The following EYS variants were observed in gnomAD, a reference collection of about 807,000 sequenced individuals.
EYS encodes the protein protein eyes shut homolog.
EYS carries 250 observed loss-of-function variants against 282.1 expected under a neutral mutation model. The observed-to-expected ratio is 0.89, with a 90% CI of 0.80 to 0.98. The LOEUF is 0.98. Among genes scored for constraint, EYS ranks in the 50% least tolerant of loss-of-function variants. EYS has a pLI of 0.00. For synonymous variants in EYS, 1,355 were observed against 1,282.9 expected, an observed-to-expected ratio of 1.06 and a Z score of -1.20; for missense variants, 4,016 against 3,709.0, an observed-to-expected ratio of 1.08 and a Z score of -2.15.
chr6:65,443,171 T>G (rs192363267), intron 5 of EYS, among the ~76,000 whole-genome samples: 1 of 151,652 alleles, frequency 6.6e-6, no homozygotes. Context: ...TATGAGCACA[T>G]ATGTGCACAT....
chr6:64,575,668 A>G (rs1765858651), intron 26 of EYS, among the ~76,000 whole-genome samples: 1 of 152,132 alleles, frequency 6.6e-6, no homozygotes, highest in African/African-American at 2.4e-5. Context: ...AAATGTCAGA[A>G]TATGGTAAAT....
chr6:64,886,761 T>C lies in EYS; in HGVS notation c.2928A>G (p.Leu976=), dbSNP rs775617231. Residue 976 remains leucine, a synonymous_variant, in exon 19 of 43, where the codon CTA becomes CTG. Transcript: ENST00000503581. ...DVNKCKISPC[L]DEENCVYRTD... is the part of the protein sequence containing the mutation. ...TCCTGTAGACACAATTTTCTTCATC[T>C]AGACAAGGTGAGATTTTACATTTAT... 6.5e-7 allele frequency: 1 copy of C among 1,548,036 alleles called. No homozygotes were observed.
intron 12 of EYS, among the ~76,000 whole-genome samples, chr6:65,177,519 G>A (rs991703270): frequency 8.6e-5 from 13 of 151,670 alleles, no homozygotes; most frequent in African/African-American, 2.2e-4. Context: ...TTAGCTATAC[G>A]ATTATGCTAT....
At chr6:63,954,695 A>T (rs1179240425) in intron 35 of EYS, among the ~76,000 whole-genome samples, 1 of 152,070 alleles carries the variant, frequency 6.6e-6, no homozygotes, top group East Asian at 1.9e-4. Context: ...TGTTCTTCTC[A>T]TCAGTCACTC....
chr6:64,990,084 A>T (rs918705527), intron 14 of EYS, among the ~76,000 whole-genome samples: 2 of 151,544 alleles, frequency 1.3e-5, no homozygotes, highest in African/African-American at 4.8e-5. Flanking sequence ...TTTACTTTTA[A>T]TAAACTACCT....
At chr6:64,752,694 C>T (rs1772799483) in intron 22 of EYS, among the ~76,000 whole-genome samples, 1 of 151,876 alleles carries the variant, frequency 6.6e-6, no homozygotes, top group South Asian at 2.1e-4. Flanking sequence ...TTCACCAAGA[C>T]ATATAGTTAC....
At chr6:64,872,638 C>T (rs1766629456) in intron 19 of EYS, among the ~76,000 whole-genome samples, 2 of 152,024 alleles carry the variant, frequency 1.3e-5, no homozygotes, top group South Asian at 4.1e-4. Context: ...CAATATCTCA[C>T]CTTTCCTTAA....
chr6:65,009,687 G>T (rs1024534516), intron 13 of EYS, among the ~76,000 whole-genome samples: 1 of 152,106 alleles, frequency 6.6e-6, no homozygotes, highest in Non-Finnish European at 1.5e-5. Flanking sequence ...TTTACTTTTA[G>T]CTGCCCTTTC....
At chr6:65,685,235 G>T (rs1405421329) in intron 1 of EYS, among the ~76,000 whole-genome samples, 1 of 151,966 alleles carries the variant, frequency 6.6e-6, no homozygotes, top group Non-Finnish European at 1.5e-5. Flanking sequence ...ACCTCAATTT[G>T]AATGATGGAC....
chr6:65,173,033 A>C (rs1053096008), intron 12 of EYS, among the ~76,000 whole-genome samples: 2 of 151,206 alleles, frequency 1.3e-5, no homozygotes, highest in East Asian at 3.9e-4. Flanking sequence ...TTTTAATTGA[A>C]ATTCTCTACT....
intron 33 of EYS, among the ~76,000 whole-genome samples, chr6:64,035,037 G>A (rs1770044350): frequency 6.6e-6 from 1 of 152,168 alleles, no homozygotes. Context: ...CAGCTGAAGG[G>A]TGGGGTGGAG....
intron 27 of EYS, 85 bp downstream of exon 27, chr6:64,439,077 A>G: frequency 1.4e-6 from 1 of 732,030 alleles, no homozygotes; most frequent in Non-Finnish European, 2.1e-6. Flanking sequence ...GTTAAGTTTA[A>G]ATTTTATTTT....
At chr6:64,101,611 T>G (rs1009470882) in intron 31 of EYS, among the ~76,000 whole-genome samples, 17 of 152,034 alleles carry the variant, frequency 1.1e-4, no homozygotes, top group Admixed American at 1.0e-3. Flanking sequence ...TCTACAAATA[T>G]GAAAAATGTA....
At chr6:65,503,215 A>C (rs1346259200) in intron 2 of EYS, among the ~76,000 whole-genome samples, 2 of 151,664 alleles carry the variant, frequency 1.3e-5, no homozygotes, top group African/African-American at 4.8e-5. Context: ...ATTTCTAATG[A>C]CAAATGATGT....
intron 26 of EYS, among the ~76,000 whole-genome samples, chr6:64,504,926 G>C (rs1414516842): frequency 6.6e-6 from 1 of 152,142 alleles, no homozygotes; most frequent in South Asian, 2.1e-4. Context: ...GGTCCATAAT[G>C]AACTTAAATT....
chr6:63,831,342 C>G (rs1468852843), intron 36 of EYS, among the ~76,000 whole-genome samples: 2 of 151,972 alleles, frequency 1.3e-5, no homozygotes, highest in African/African-American at 4.8e-5. Flanking sequence ...CAGAGACACA[C>G]ATAAGCTCAA....
At chr6:64,913,436 CTCTATTGTTTCCA>C (rs1256388880) in intron 15 of EYS, among the ~76,000 whole-genome samples, 2 of 152,000 alleles carry the variant, frequency 1.3e-5, no homozygotes, top group African/African-American at 2.4e-5. Flanking sequence ...AGTTCTCAGC[CTCTATTGTTTCCA>C]TCTTTATGTC....
intron 31 of EYS, among the ~76,000 whole-genome samples, chr6:64,140,136 A>G (rs1034367343): frequency 4.6e-5 from 7 of 152,188 alleles, no homozygotes; most frequent in Non-Finnish European, 1.0e-4. Context: ...GTGGTAATTA[A>G]TATGAAAAAC....
intron 5 of EYS, among the ~76,000 whole-genome samples, chr6:65,407,495 C>T (rs141715143): frequency 0.034 from 5,245 of 152,178 alleles, 196 homozygotes; most frequent in East Asian, 0.13. Flanking sequence ...ACCTCATGAT[C>T]TGCCCGTCTC....
Sources: allele counts gnomAD v4.1 joint callset (sites outside exome capture counted in the v4.1 genomes callset), GRCh38; gene constraint gnomAD v4.1.1; transcripts MANE v1.5; gene names NCBI Gene and HGNC (gene_info 2026-07-23, HGNC 2026-07-21).